The following ANKS1B variants were observed in gnomAD, a reference collection of about 807,000 sequenced individuals.
The protein encoded by ANKS1B is ankyrin repeat and sterile alpha motif domain containing 1B, also known as ankyrin repeat and sterile alpha motif domain-containing protein 1B.
In ANKS1B, 36 loss-of-function variants were observed where a neutral mutation model predicts 148.3. The observed-to-expected ratio is 0.24, with a 90% CI of 0.19 to 0.32. The LOEUF (loss-of-function observed/expected upper bound fraction) is 0.32, where lower values mean the gene tolerates loss of function less well. Among genes scored for constraint, ANKS1B ranks in the 10% least tolerant of loss-of-function variants. The pLI, the probability that ANKS1B is intolerant of heterozygous loss-of-function variation, is 1.00. For synonymous variants in ANKS1B, 542 were observed against 560.8 expected, an observed-to-expected ratio of 0.97 and a Z score of 0.47; for missense variants, 1,157 against 1,542.6, an observed-to-expected ratio of 0.75 and a Z score of 4.19.
At chr12:99,495,214 G>A (rs2096592352) in intron 10 of ANKS1B, among the ~76,000 whole-genome samples, 1 of 152,148 alleles carries the variant, frequency 6.6e-6, no homozygotes, top group African/African-American at 2.4e-5. Flanking sequence ...ACATCATAAA[G>A]AGCCTATATT....
chr12:98,856,069 C>G (rs927370319), intron 17 of ANKS1B, among the ~76,000 whole-genome samples: 1 of 152,132 alleles, frequency 6.6e-6, no homozygotes, highest in Non-Finnish European at 1.5e-5. Context: ...ATGGGGTGTC[C>G]ATTGTTTAGA....
chr12:99,430,615 A>T (rs1352558258), intron 11 of ANKS1B, among the ~76,000 whole-genome samples: 1 of 152,184 alleles, frequency 6.6e-6, no homozygotes, highest in Non-Finnish European at 1.5e-5. Context: ...CTCCTTATTA[A>T]TTTATCCCCT....
intron 8 of ANKS1B, among the ~76,000 whole-genome samples, chr12:99,734,602 C>T (rs887279004): frequency 1.2e-4 from 19 of 152,044 alleles, no homozygotes; most frequent in Admixed American, 1.2e-3. Flanking sequence ...CCCTATTTCT[C>T]CCACATCTTA....
At chr12:98,848,107 G>C (rs1258177770) in intron 17 of ANKS1B, among the ~76,000 whole-genome samples, 1 of 152,168 alleles carries the variant, frequency 6.6e-6, no homozygotes, top group Non-Finnish European at 1.5e-5. Context: ...ATCCCCACTT[G>C]CTAATTTAAT....
intron 17 of ANKS1B, among the ~76,000 whole-genome samples, chr12:98,865,637 C>T (rs190916106): frequency 3.3e-5 from 5 of 152,110 alleles, no homozygotes; most frequent in East Asian, 1.9e-4. Context: ...TGATAAGAAT[C>T]GACGTGTGTG....
At chr12:99,590,438 T>C (rs568586675) in intron 9 of ANKS1B, among the ~76,000 whole-genome samples, 2 of 152,272 alleles carry the variant, frequency 1.3e-5, no homozygotes, top group East Asian at 3.9e-4. Flanking sequence ...CTGTCTCTAT[T>C]ATAACTGCCA....
chr12:99,711,391 C>G (rs1311424145), intron 8 of ANKS1B, among the ~76,000 whole-genome samples: 5 of 151,988 alleles, frequency 3.3e-5, no homozygotes, highest in Non-Finnish European at 5.9e-5. Context: ...CACCCAGGTA[C>G]TAAGTCTAGT....
chr12:99,220,424 C>T (rs954022855), intron 14 of ANKS1B, among the ~76,000 whole-genome samples: 1 of 148,212 alleles, frequency 6.7e-6, no homozygotes, highest in Non-Finnish European at 1.5e-5. Flanking sequence ...AATTTGGCAT[C>T]AAGCATACAA....
chr12:99,580,165 A>G (rs1038033436), intron 9 of ANKS1B, among the ~76,000 whole-genome samples: 8 of 152,250 alleles, frequency 5.3e-5, no homozygotes, highest in African/African-American at 1.7e-4. Flanking sequence ...CATAGACACA[A>G]AGCAGGGAAC....
chr12:99,587,146 A>G (rs1407972586), intron 9 of ANKS1B, among the ~76,000 whole-genome samples: 1 of 152,160 alleles, frequency 6.6e-6, no homozygotes, highest in African/African-American at 2.4e-5. Flanking sequence ...TCAATATTAG[A>G]TCTTACTACT....
chr12:99,044,797 T>C (rs965859112), intron 17 of ANKS1B, among the ~76,000 whole-genome samples: 3 of 152,200 alleles, frequency 2.0e-5, no homozygotes, highest in Admixed American at 1.3e-4. Flanking sequence ...TTATTTGATT[T>C]TGAGTCTCAC....
chr12:99,855,221 C>A (rs1463523167), intron 1 of ANKS1B, among the ~76,000 whole-genome samples: 1 of 152,002 alleles, frequency 6.6e-6, no homozygotes, highest in African/African-American at 2.4e-5. Context: ...ATATTCCATG[C>A]CAATGGACAC....
chr12:99,217,500 A>C (rs774243540), intron 14 of ANKS1B, among the ~76,000 whole-genome samples: 4 of 152,036 alleles, frequency 2.6e-5, no homozygotes, highest in Non-Finnish European at 4.4e-5. Context: ...TAAGATCCTC[A>C]GCTTCCTTAA....
At chr12:99,386,285 CTCT>C in intron 12 of ANKS1B, 1 of 152,294 alleles carries the variant, frequency 6.6e-6, no homozygotes, top group South Asian at 2.1e-4. Flanking sequence ...TGAGAGTTCA[CTCT>C]AGATTGTGTG....
At chr12:98,927,105 A>C (rs184511357) in intron 17 of ANKS1B, among the ~76,000 whole-genome samples, 6 of 152,224 alleles carry the variant, frequency 3.9e-5, no homozygotes, top group Middle Eastern at 3.4e-3. Context: ...ACAAAAAGAG[A>C]ATCTTGAGAA....
intron 17 of ANKS1B, among the ~76,000 whole-genome samples, chr12:98,884,793 G>A (rs1316177345): frequency 2.3e-5 from 3 of 130,838 alleles, no homozygotes; most frequent in Non-Finnish European, 4.6e-5. Flanking sequence ...GCGACAGAGC[G>A]AGACTCCGTC....
chr12:99,946,611 C>A (rs927420865), intron 1 of ANKS1B, among the ~76,000 whole-genome samples: 2 of 152,136 alleles, frequency 1.3e-5, no homozygotes, highest in Non-Finnish European at 2.9e-5. Context: ...AAATTTTGGG[C>A]AATGGATATG....
chr12:99,129,937 T>C (rs2065625341), intron 15 of ANKS1B, among the ~76,000 whole-genome samples: 1 of 152,238 alleles, frequency 6.6e-6, no homozygotes. Flanking sequence ...GCTTATCCAG[T>C]ATTTCTTTCT....
chr12:99,917,809 T>G (rs1355117905), intron 1 of ANKS1B, among the ~76,000 whole-genome samples: 4 of 152,206 alleles, frequency 2.6e-5, no homozygotes, highest in African/African-American at 9.6e-5. Flanking sequence ...CCCATCCTCT[T>G]AAACAGAGGT....
Sources: gnomAD v4.1 joint callset for allele counts (sites outside exome capture counted in the v4.1 genomes callset) on GRCh38, gnomAD v4.1.1 for gene constraint, MANE v1.5 for transcripts, NCBI Gene and HGNC (gene_info 2026-07-23, HGNC 2026-07-21) for gene names.